SGCD: variants seen among roughly 807,000 people sequenced by gnomAD.
SGCD encodes the protein sarcoglycan delta, also known as delta-sarcoglycan.
In SGCD, 18 loss-of-function variants were observed where a neutral mutation model predicts 36.6. That is an observed-to-expected ratio of 0.49 (90% CI 0.34 to 0.73). The LOEUF (loss-of-function observed/expected upper bound fraction) is 0.73, where lower values mean the gene tolerates loss of function less well. Among genes scored for constraint, SGCD ranks in the 30% least tolerant of loss-of-function variants. The pLI, the probability that SGCD is intolerant of heterozygous loss-of-function variation, is 0.01. For missense variants in SGCD, 387 were observed against 346.7 expected, an observed-to-expected ratio of 1.12 and a Z score of -0.92; for synonymous variants, 133 against 130.6, an observed-to-expected ratio of 1.02 and a Z score of -0.12.
intron 3 of SGCD, among the ~76,000 whole-genome samples, chr5:156,291,203 C>T (rs1377789018): frequency 6.6e-6 from 1 of 152,056 alleles, no homozygotes; most frequent in Non-Finnish European, 1.5e-5. Context: ...GATGACTGTA[C>T]TTAGCAACAC....
chr5:156,212,878 A>G (rs1005312821), intron 3 of SGCD, among the ~76,000 whole-genome samples: 2 of 152,126 alleles, frequency 1.3e-5, no homozygotes, highest in Non-Finnish European at 2.9e-5. Flanking sequence ...CATGGAAATT[A>G]AACAACATAT....
chr5:156,759,125 GTTGAA>G (rs1757445242), intron 8 of SGCD, 87 bp from the exon 9 acceptor site: 3 of 996,748 alleles, frequency 3.0e-6, no homozygotes, highest in African/African-American at 1.6e-5. Flanking sequence ...TTAGATTTCA[GTTGAA>G]TTGAACATTC....
At chr5:156,549,765 C>G (rs149333928) in intron 4 of SGCD, among the ~76,000 whole-genome samples, 1 of 152,210 alleles carries the variant, frequency 6.6e-6, no homozygotes, top group African/African-American at 2.4e-5. Context: ...AGTCAATAAG[C>G]AGTCGAACTG....
At chr5:155,914,760 A>C (rs146483443) in intron 1 of SGCD, among the ~76,000 whole-genome samples, 1 of 152,326 alleles carries the variant, frequency 6.6e-6, no homozygotes, top group African/African-American at 2.4e-5. Context: ...GAGACTTCAC[A>C]TAATTTGTTT....
intron 3 of SGCD, among the ~76,000 whole-genome samples, chr5:156,248,139 G>A (rs776282768): frequency 6.6e-6 from 1 of 152,200 alleles, no homozygotes; most frequent in South Asian, 2.1e-4. Context: ...GTGACAGAGA[G>A]AGAGAGAATG....
At chr5:155,781,749 G>A in the SGCD span, among the ~76,000 whole-genome samples, 7 of 152,180 alleles carry the variant, frequency 4.6e-5, no homozygotes, top group African/African-American at 1.7e-4. Context: ...AGGATTATAG[G>A]CATGAGCCAC....
intron 7 of SGCD, among the ~76,000 whole-genome samples, chr5:156,690,189 G>T (rs157333): frequency 2.6e-5 from 4 of 152,028 alleles, no homozygotes; most frequent in Non-Finnish European, 5.9e-5. Flanking sequence ...ACAGATGAGA[G>T]AGCAGAGGAA....
At chr5:155,926,720 T>C (rs1757003135) in intron 1 of SGCD, among the ~76,000 whole-genome samples, 1 of 152,176 alleles carries the variant, frequency 6.6e-6, no homozygotes, top group Non-Finnish European at 1.5e-5. Flanking sequence ...TTAAAATAAA[T>C]TGAGGTATAT....
At chr5:156,652,938 A>G (rs1190988786) in intron 7 of SGCD, among the ~76,000 whole-genome samples, 1 of 152,184 alleles carries the variant, frequency 6.6e-6, no homozygotes, top group Non-Finnish European at 1.5e-5. Context: ...CATCCCAGGA[A>G]TAAAGGCTAT....
At chr5:156,445,023 T>G (rs542122935) in intron 3 of SGCD, among the ~76,000 whole-genome samples, 1 of 152,330 alleles carries the variant, frequency 6.6e-6, no homozygotes, top group South Asian at 2.1e-4. Context: ...ATTGAGAGCA[T>G]TAGCGTTCTT....
intron 1 of SGCD, among the ~76,000 whole-genome samples, chr5:156,032,706 CAAAAAAAAAAAAA>C (rs1171072619): frequency 0.012 from 174 of 15,074 alleles, 6 homozygotes; most frequent in African/African-American, 0.024. Context: ...GACTCCGTCT[CAAAAAAAAAAAAA>C]AAAAAAAAAA....
Position 156,551,513 on chromosome 5 carries a change from C to T in SGCD, c.295-37718C>T, listed in dbSNP as rs114638292. Among the ~76,000 whole-genome samples, 920 of 151,962 alleles carry T rather than the reference C, an allele frequency of 6.1e-3. 3 individuals carry two copies. The highest frequency in any genetic ancestry group is 9.9e-3 in the Non-Finnish European group (676 of 67,970). Reference sequence around the variant, plus strand: ...TTCACGGGAACAGGGCAGGGTTTTGCGGGGGCAGGGGAGTGTATCTTTAAT... The same window carrying T: ...TTCACGGGAACAGGGCAGGGTTTTGTGGGGGCAGGGGAGTGTATCTTTAAT... On this transcript the variant is annotated intron_variant, in intron 4 of 8. Coordinates refer to ENST00000337851, the MANE Select transcript of SGCD (RefSeq NM_000337.6).
At chr5:156,068,549 T>C (rs1365340093) in intron 1 of SGCD, among the ~76,000 whole-genome samples, 1 of 151,862 alleles carries the variant, frequency 6.6e-6, no homozygotes, top group Non-Finnish European at 1.5e-5. Flanking sequence ...TGGTTCCAAG[T>C]CTTTGCTATT....
intron 1 of SGCD, among the ~76,000 whole-genome samples, chr5:155,923,013 T>C (rs182771201): frequency 2.2e-4 from 33 of 152,306 alleles, no homozygotes; most frequent in Middle Eastern, 3.4e-3. Context: ...TAGTCATTAT[T>C]TGAGACAGAA....
chr5:156,554,832 G>A (rs146134317), intron 4 of SGCD, among the ~76,000 whole-genome samples: 34 of 152,090 alleles, frequency 2.2e-4, no homozygotes, highest in Middle Eastern at 3.4e-3. Flanking sequence ...TTCCACAGTA[G>A]CTGCACCCTT....
chr5:156,091,975 G>A (rs150237986), intron 1 of SGCD, among the ~76,000 whole-genome samples: 2 of 152,352 alleles, frequency 1.3e-5, no homozygotes, highest in Admixed American at 6.5e-5. Context: ...ATTTGGAGAA[G>A]CACATCCAGA....
intron 3 of SGCD, among the ~76,000 whole-genome samples, chr5:156,372,617 A>C: frequency 6.6e-6 from 1 of 152,144 alleles, no homozygotes; most frequent in Non-Finnish European, 1.5e-5. Flanking sequence ...CCATCAACCA[A>C]AATATTTGTT....
chr5:156,193,915 G>T (rs1023320004), intron 3 of SGCD, among the ~76,000 whole-genome samples: 6 of 152,278 alleles, frequency 3.9e-5, no homozygotes, highest in South Asian at 4.1e-4. Context: ...CCAAGTCCTG[G>T]CCTGCAGCCT....
At chr5:155,930,123 C>A (rs951770150) in intron 1 of SGCD, among the ~76,000 whole-genome samples, 1 of 152,184 alleles carries the variant, frequency 6.6e-6, no homozygotes, top group African/African-American at 2.4e-5. Flanking sequence ...CTCCACCCCT[C>A]TTGCCAAAGT....
Sources: allele counts gnomAD v4.1 joint callset (sites outside exome capture counted in the v4.1 genomes callset), GRCh38; gene constraint gnomAD v4.1.1; transcripts MANE v1.5; gene names NCBI Gene and HGNC (gene_info 2026-07-23, HGNC 2026-07-21).